The following A2M variants were observed in gnomAD, a reference collection of about 807,000 sequenced individuals.
A2M encodes the protein C3 and PZP-like alpha-2-macroglobulin domain-containing protein 5.
A neutral mutation model predicts 183.9 loss-of-function variants in A2M; 128 were observed. That is an observed-to-expected ratio of 0.70 (90% CI 0.60 to 0.81). The LOEUF (loss-of-function observed/expected upper bound fraction) is 0.81. Among genes scored for constraint, A2M ranks in the 30% least tolerant of loss-of-function variants. The probability of loss-of-function intolerance (pLI) is 0.00; values close to 1 mark genes in which losing one functional copy is unlikely to be tolerated. For missense variants in A2M, 1,495 were observed against 1,787.6 expected (o/e 0.84, Z 2.95); for synonymous variants, 592 against 670.8 (o/e 0.88, Z 1.81).
rs1773891303 is a variant in A2M, at chr12:9,089,952, C to T, written c.2668G>A (p.Val890Ile). The T allele has an allele frequency of 3.7e-6, 6 of 1,612,648 alleles. No homozygotes were observed. Among genetic ancestry groups the T allele is most frequent in the Non-Finnish European group, 5.1e-6 (6 of 1,178,966 alleles). ...QELCGTEVPS[V>I]PEHGRKDTVI... ...GTGTCTTTCCTTCCGTGTTCAGGAA[C>T]TGAAGGCACCTCAGTCCCACACAGC... The change falls in exon 21 of 36, where the codon GTT becomes ATT. Residue 890 changes from valine (V) to isoleucine (I), a missense_variant. Physicochemically the swap from Val to Ile is conservative, Grantham distance 29. Transcript: ENST00000318602.
intron 15 of A2M, among the ~76,000 whole-genome samples, chr12:9,097,436 C>T (rs1180438442): frequency 2.6e-5 from 4 of 152,086 alleles, no homozygotes; most frequent in African/African-American, 4.8e-5. Flanking sequence ...ATGCTATTAA[C>T]TAGTTTTTGT....
rs964436126 is a variant in A2M at position 9,110,174 on chromosome 12, T to C, written c.505-139A>G. The C allele has an allele frequency of 4.5e-6, 5 of 1,106,668 alleles. 1 individual carries two copies. The South Asian group carries it at 7.8e-5, about 17-fold the overall frequency. The allele number at this position is 1,106,668 out of a possible 1,614,324, so 68.6% of individuals were successfully genotyped here. A position where few individuals can be genotyped will look rare whatever the true frequency, so the allele number is the denominator to read the frequency against. On this transcript the variant is annotated intron_variant, in intron 5 of 35. Transcript: ENST00000318602. ...AAGGGTGAGTAGAGGAGATGAGTTA[T>C]AGCCATCTAGCTCTATGGGAGTTTG... is the stretch of plus-strand genomic sequence containing the variant.
At chr12:9,103,063 T>C (rs111577027) in intron 11 of A2M, among the ~76,000 whole-genome samples, 79 of 152,290 alleles carry the variant, frequency 5.2e-4, no homozygotes, top group African/African-American at 1.7e-3. Context: ...ATAACTTATA[T>C]TGGTATGAAC....
In A2M at chr12:9,094,989, T is replaced by G. The variant is rs772491860; in HGVS notation, c.2109A>C (p.Leu703=). 9 of 1,567,934 alleles carry G rather than the reference T, an allele frequency of 5.7e-6. No homozygotes were observed. The highest frequency in any genetic ancestry group is 6.9e-6 in the Non-Finnish European group (8 of 1,156,346). ...TTTGTTTACCATAAAAACCTACACGTAGACCTTCAGGTCCATGCATTTCAT... is the reference window on the plus strand; with the variant it reads ...TTTGTTTACCATAAAAACCTACACGGAGACCTTCAGGTCCATGCATTTCAT... ...QQYEMHGPEG[L]RVGFYESDVM... is the part of the protein sequence containing the mutation. Residue 703 remains leucine (L), a synonymous_variant, in exon 17 of 36, where the codon CTA becomes CTC. Coordinates refer to ENST00000318602, the MANE Select transcript of A2M (RefSeq NM_000014.6).
In A2M at chr12:9,113,383, C is replaced by G. The variant is rs774209449; in HGVS notation, c.247G>C (p.Val83Leu). The G allele has an allele frequency of 6.2e-7, 1 of 1,613,500 alleles. No individual in the cohort carries two copies. The highest frequency in any genetic ancestry group is 8.5e-7 in the Non-Finnish European group (1 of 1,179,862). ...LFTDLEAEND[V>L]LHCVAFAVPK... ...ACAGCGAAGGCGACACAGTGGAGTACGTCATTCTCCGCCTCCAGGTCAGTG... is the reference window on the plus strand; with the variant it reads ...ACAGCGAAGGCGACACAGTGGAGTAGGTCATTCTCCGCCTCCAGGTCAGTG... The change falls in exon 2 of 36, where the codon GTA becomes CTA. Residue 83 changes from valine (V) to leucine (L), a missense_variant. Transcript: ENST00000318602.
chr12:9,072,972 T>C (rs1948625548), intron 29 of A2M, 101 bp from the exon 30 acceptor site: 1 of 803,372 alleles, frequency 1.2e-6, no homozygotes, highest in Non-Finnish European at 2.0e-6. Context: ...GATTTCCTAC[T>C]TCCCTCACTA....
At chr12:9,112,312 G>A in intron 3 of A2M, 65 bp downstream of exon 3, 1 of 1,601,698 alleles carries the variant, frequency 6.2e-7, no homozygotes, top group South Asian at 1.1e-5. Flanking sequence ...ACTTTGCCTG[G>A]GGAACATCCA....
chr12:9,114,932 T>C (rs1939011515), intron 1 of A2M, among the ~76,000 whole-genome samples: 1 of 152,164 alleles, frequency 6.6e-6, no homozygotes. Flanking sequence ...TTAAAATACT[T>C]TTGAAGCACA....
At chr12:9,097,280 A>AT (rs1248140632) in intron 15 of A2M, among the ~76,000 whole-genome samples, 2 of 152,044 alleles carry the variant, frequency 1.3e-5, no homozygotes, top group African/African-American at 4.8e-5. Flanking sequence ...AGTAAGAAAC[A>AT]TTTTTTTATA....
Position 9,085,068 on chromosome 12 carries a change from A to G in A2M, c.2770+4132T>C, listed in dbSNP as rs574804891. Among the ~76,000 whole-genome samples, 10 of 152,264 alleles carry G rather than the reference A, an allele frequency of 6.6e-5. No homozygotes were observed. In the South Asian group the frequency reaches 1.2e-3, roughly 19 times the overall value. On this transcript the variant is annotated intron_variant, in intron 22 of 35. Transcript: ENST00000318602. The stretch of plus-strand genomic sequence containing the variant: ...AGGTTGAAGGGAGAGATATGTTGCA[A>G]TGCAGTAATATCAGGGAATTTCAAC...
rs201311874 is a variant in A2M, at chr12:9,110,302, C to T, written c.504+12G>A. ...GCTTTCCTTTTAATATGGAATGTTTCATGTTGCTTACCTGAATGTATACTA... is the reference window on the plus strand; with the variant it reads ...GCTTTCCTTTTAATATGGAATGTTTTATGTTGCTTACCTGAATGTATACTA... On this transcript the variant is annotated intron_variant, in intron 5 of 35. Transcript: ENST00000318602. The T allele has an allele frequency of 4.9e-4, 715 of 1,468,672 alleles. 2 individuals are homozygous for T. Among genetic ancestry groups the T allele is most frequent in the Middle Eastern group, 4.4e-3 (26 of 5,844 alleles). The allele number at this position is 1,468,672 out of a possible 1,614,324, so 91.0% of individuals were successfully genotyped here.
chr12:9,102,742 A>G (rs1364064643), intron 11 of A2M, among the ~76,000 whole-genome samples: 1 of 152,208 alleles, frequency 6.6e-6, no homozygotes, highest in Non-Finnish European at 1.5e-5. Context: ...TGATCACCCC[A>G]AACAGGGAAC....
At chr12:9,112,316 A>G in intron 3 of A2M, 61 bp downstream of exon 3, 1 of 1,597,466 alleles carries the variant, frequency 6.3e-7, no homozygotes, top group Non-Finnish European at 8.6e-7. Flanking sequence ...TGCCTGGGGA[A>G]CATCCAGGGG....
chr12:9,112,668 T>G (rs926312140), intron 2 of A2M, 132 bp from the exon 3 acceptor site: 2 of 959,864 alleles, frequency 2.1e-6, no homozygotes, highest in African/African-American at 3.3e-5. Flanking sequence ...GCAGGGAAAG[T>G]TGGCATGGAC....
chr12:9,110,870 A>T (rs768299014), intron 4 of A2M, among the ~76,000 whole-genome samples: 7 of 152,290 alleles, frequency 4.6e-5, no homozygotes, highest in African/African-American at 1.7e-4. Flanking sequence ...GGCCTTCAGC[A>T]ACAAATATAC....
chr12:9,109,429 T>C lies in A2M; in HGVS notation c.674-24A>G, dbSNP rs374221950. On this transcript the variant is annotated intron_variant, in intron 6 of 35. Transcript: ENST00000318602. ...AACTGTTGATTGGTGATAAAGAAGG[T>C]TGGTGATTGGTTTTCAACTTTGGGG... 1.3e-5 allele frequency: 20 copies of C among 1,582,896 alleles called. No homozygotes were observed. The African/African-American group carries it at 2.3e-4, about 18-fold the overall frequency.
At position 9,069,797 on chromosome 12, in the gene A2M, TG is replaced by T; in HGVS notation, c.4210del (p.His1404MetfsTer2). 1 of 1,613,462 alleles carries T rather than the reference TG, an allele frequency of 6.2e-7. No individual in the cohort carries two copies. The highest frequency in any genetic ancestry group is 8.5e-7 in the Non-Finnish European group (1 of 1,179,582). ...PTVKMLERSN[H>X]VSRTEVSSNH... ...GCTGCTGACTTCTGTCCGGCTCACA[TG>T]GTTAGATCTTTCAAGCTGAAGAAAA... On this transcript the variant is annotated frameshift_variant, in exon 33 of 36. Coordinates refer to ENST00000318602, the MANE Select transcript of A2M (RefSeq NM_000014.6). LOFTEE classifies it high-confidence loss of function.
intron 4 of A2M, 39 bp downstream of exon 4, chr12:9,112,120 A>T: frequency 6.2e-7 from 1 of 1,606,878 alleles, no homozygotes. Flanking sequence ...CAGCCTGTTT[A>T]TACAGACAAT....
In A2M at chr12:9,105,183, T is replaced by C. The variant is rs1006665697; in HGVS notation, c.1105-783A>G. Among the ~76,000 whole-genome samples, 9 of 152,170 alleles carry C rather than the reference T, an allele frequency of 5.9e-5. No homozygotes were observed. In the East Asian group the frequency reaches 9.6e-4, roughly 16 times the overall value. On this transcript the variant is annotated intron_variant, in intron 10 of 35. Transcript: ENST00000318602. ...CTACAGTTGGTAGCAGGAAGAACAA[T>C]AGGCTGACCCCCATCAGTACTCATA...
Sources: gnomAD v4.1 joint callset for allele counts (sites outside exome capture counted in the v4.1 genomes callset) on GRCh38, gnomAD v4.1.1 for gene constraint, MANE v1.5 for transcripts, NCBI Gene and HGNC (gene_info 2026-07-23, HGNC 2026-07-21) for gene names.